FRMD3: variants seen among roughly 807,000 people sequenced by gnomAD.
The protein encoded by FRMD3 is FERM domain-containing protein 3.
FRMD3 carries 33 observed loss-of-function variants against 70.2 expected under a neutral mutation model. The observed-to-expected ratio is 0.47, with a 90% CI of 0.36 to 0.63. The LOEUF is 0.63. FRMD3 is among the 20% of genes least tolerant of loss of function. FRMD3 has a pLI of 0.00. For synonymous variants in FRMD3, 279 were observed against 255.9 expected (o/e 1.09, Z -0.86); for missense variants, 632 against 711.4 (o/e 0.89, Z 1.27).
chr9:83,250,507 G>A (rs1181667849), intron 13 of FRMD3, among the ~76,000 whole-genome samples: 1 of 152,170 alleles, frequency 6.6e-6, no homozygotes, highest in Admixed American at 6.5e-5. Context: ...GCCTCATTCT[G>A]TGGGCCCCAC....
intron 5 of FRMD3, 70 bp downstream of exon 5, chr9:83,343,120 G>T: frequency 8.9e-7 from 1 of 1,117,656 alleles, no homozygotes; most frequent in Non-Finnish European, 1.4e-6. Flanking sequence ...GGGTGGGAGA[G>T]AAGGGAGGCT....
intron 3 of FRMD3, chr9:83,350,772 G>A (rs1824129831): frequency 2.0e-6 from 2 of 976,698 alleles, no homozygotes; most frequent in African/African-American, 1.8e-5. Flanking sequence ...ATTCTGGAGT[G>A]TTCTAATTTG....
At position 83,358,084 on chromosome 9, in the gene FRMD3, T is replaced by C. The variant is rs1369639196; in HGVS notation, c.296-8327A>G. Among the ~76,000 whole-genome samples the C allele has an allele frequency of 2.6e-5, 4 of 152,248 alleles. No homozygotes were observed. In the East Asian group the frequency reaches 7.7e-4, roughly 29 times the overall value. ...GGTTTCAGGTCTTAGATTTAAGTCT[T>C]TGATCCATCTTGAGTTGATTTTTGT... is the stretch of plus-strand genomic sequence containing the variant. On this transcript the variant is annotated intron_variant, in intron 3 of 13. Transcript: ENST00000304195.
chr9:83,307,565 G>A (rs1031034229), intron 10 of FRMD3, among the ~76,000 whole-genome samples: 7 of 152,204 alleles, frequency 4.6e-5, no homozygotes, highest in African/African-American at 1.7e-4. Context: ...TGGCCACATC[G>A]TTTATGATTC....
the FRMD3 span, among the ~76,000 whole-genome samples, chr9:83,548,244 C>T: frequency 1.3e-5 from 2 of 152,098 alleles, no homozygotes; most frequent in South Asian, 4.1e-4. Context: ...GAGCTGAAAA[C>T]ATTTTTGTCC....
the FRMD3 span, among the ~76,000 whole-genome samples, chr9:83,544,025 A>G: frequency 6.6e-6 from 1 of 152,144 alleles, no homozygotes; most frequent in African/African-American, 2.4e-5. Flanking sequence ...ACTGGGCCCT[A>G]GATTGTACAA....
intron 4 of FRMD3, among the ~76,000 whole-genome samples, chr9:83,347,124 T>C (rs1012583862): frequency 6.6e-6 from 1 of 152,200 alleles, no homozygotes; most frequent in African/African-American, 2.4e-5. Context: ...TGAGTTGTAA[T>C]CCCATAACTC....
chr9:83,466,527 C>A (rs1038161642), intron 1 of FRMD3, among the ~76,000 whole-genome samples: 3 of 152,090 alleles, frequency 2.0e-5, no homozygotes, highest in Non-Finnish European at 4.4e-5. Context: ...GGAAAAATAG[C>A]AAATTTAAAC....
intron 6 of FRMD3, among the ~76,000 whole-genome samples, chr9:83,316,803 G>T (rs907729926): frequency 6.6e-6 from 1 of 152,148 alleles, no homozygotes; most frequent in African/African-American, 2.4e-5. Flanking sequence ...TGGGAAAAGA[G>T]ATCTCTGGAA....
intron 1 of FRMD3, among the ~76,000 whole-genome samples, chr9:83,516,840 A>T (rs898354491): frequency 6.6e-6 from 1 of 152,226 alleles, no homozygotes; most frequent in Non-Finnish European, 1.5e-5. Context: ...GCACAACTAC[A>T]TGGGAACTGA....
intron 1 of FRMD3, among the ~76,000 whole-genome samples, chr9:83,453,257 T>A (rs1827719861): frequency 6.6e-6 from 1 of 152,192 alleles, no homozygotes; most frequent in Admixed American, 6.5e-5. Flanking sequence ...CTTCACACAG[T>A]GCAAGATATA....
chr9:83,327,171 A>C (rs780270367), intron 6 of FRMD3, among the ~76,000 whole-genome samples: 2 of 152,240 alleles, frequency 1.3e-5, no homozygotes, highest in Non-Finnish European at 2.9e-5. Flanking sequence ...CTATGGGCAG[A>C]AGAGCAATGT....
chr9:83,545,126 G>A, the FRMD3 span, among the ~76,000 whole-genome samples: 1 of 151,808 alleles, frequency 6.6e-6, no homozygotes, highest in African/African-American at 2.4e-5. Flanking sequence ...AACAACACAA[G>A]GAAATCAGAA....
chr9:83,245,654 T>G lies in FRMD3; in HGVS notation c.*2264A>C. The G allele has an allele frequency of 1.2e-6, 1 of 846,748 alleles. No homozygotes were observed. Among genetic ancestry groups the G allele is most frequent in the South Asian group, 5.4e-5 (1 of 18,492 alleles). 52.5% of individuals were successfully genotyped at this position (846,748 alleles called of 1,614,324 possible). ...TGGAAAATATATTAGTTCCATAATTTAAAAAATATTATATAATATTATTTT... is the reference window on the plus strand; with the variant it reads ...TGGAAAATATATTAGTTCCATAATTGAAAAAATATTATATAATATTATTTT... On this transcript the variant is annotated 3_prime_UTR_variant, in exon 14 of 14. Transcript: ENST00000304195.
intron 6 of FRMD3, among the ~76,000 whole-genome samples, chr9:83,326,014 T>C (rs1448659718): frequency 6.6e-6 from 1 of 152,234 alleles, no homozygotes; most frequent in Admixed American, 6.5e-5. Context: ...GAAGACTGTA[T>C]GTTCTACAAA....
intron 3 of FRMD3, among the ~76,000 whole-genome samples, chr9:83,357,282 TA>T (rs1473992922): frequency 1.3e-5 from 1 of 79,838 alleles, no homozygotes; most frequent in African/African-American, 5.2e-5. Context: ...TATATATATA[TA>T]TATATATATA....
At chr9:83,369,624 A>AT (rs58126202) in intron 3 of FRMD3, among the ~76,000 whole-genome samples, 1 of 149,592 alleles carries the variant, frequency 6.7e-6, no homozygotes, top group Non-Finnish European at 1.5e-5. Flanking sequence ...AAATAAATAA[A>AT]ATACACACAT....
At chr9:83,357,099 T>C (rs960278282) in intron 3 of FRMD3, among the ~76,000 whole-genome samples, 3 of 137,800 alleles carry the variant, frequency 2.2e-5, no homozygotes, top group African/African-American at 9.5e-5. Flanking sequence ...TGTATATATA[T>C]ATCTATCCAT....
intron 1 of FRMD3, among the ~76,000 whole-genome samples, chr9:83,466,400 G>A (rs760250233): frequency 4.6e-5 from 7 of 152,318 alleles, no homozygotes; most frequent in Non-Finnish European, 8.8e-5. Context: ...AATTTCTGCT[G>A]TAAACAGAAA....
Sources: gnomAD v4.1 joint callset for allele counts (sites outside exome capture counted in the v4.1 genomes callset) on GRCh38, gnomAD v4.1.1 for gene constraint, MANE v1.5 for transcripts, NCBI Gene and HGNC (gene_info 2026-07-23, HGNC 2026-07-21) for gene names.